KLHL13: variants seen among roughly 807,000 people sequenced by gnomAD.
KLHL13 encodes the protein kelch-like protein 13.
KLHL13 carries 10 observed loss-of-function variants against 37.1 expected under a neutral mutation model. The ratio of observed to expected loss-of-function variants is 0.27; its 90% CI spans 0.17 to 0.46. The LOEUF is 0.46. Among genes scored for constraint, KLHL13 ranks in the 20% least tolerant of loss-of-function variants. The pLI is 1.00. For missense variants in KLHL13, 360 were observed against 509.3 expected (o/e 0.71, Z 2.82); for synonymous variants, 163 against 181.2 (o/e 0.90, Z 0.81).
At chrX:118,001,684 T>C (rs1048536234) in intron 1 of KLHL13, among the ~76,000 whole-genome samples, 7 of 109,780 alleles carry the variant, frequency 6.4e-5, no homozygotes, top group Non-Finnish European at 1.3e-4. Context: ...AGCAACATGA[T>C]GAAACCGTGT....
chrX:118,102,029 C>T (rs140922507), intron 1 of KLHL13, among the ~76,000 whole-genome samples: 1 of 111,646 alleles, frequency 9.0e-6, no homozygotes, highest in East Asian at 2.8e-4. Context: ...GGTAAGAGAG[C>T]ATGGCTAGTT....
chrX:118,082,235 T>C (rs773105397), intron 1 of KLHL13, among the ~76,000 whole-genome samples: 20 of 111,048 alleles, frequency 1.8e-4, no homozygotes, highest in African/African-American at 6.5e-4. Context: ...ACCAACAATA[T>C]GTAAGTTCCC....
At chrX:117,921,611 A>T (rs1931706095) in intron 2 of KLHL13, among the ~76,000 whole-genome samples, 1 of 112,096 alleles carries the variant, frequency 8.9e-6, no homozygotes, top group Non-Finnish European at 1.9e-5. Flanking sequence ...AACAGCATTG[A>T]TTACTCTGTC....
intron 1 of KLHL13, among the ~76,000 whole-genome samples, chrX:118,034,163 T>C (rs2054401620): frequency 9.8e-6 from 1 of 101,545 alleles, no homozygotes; most frequent in Non-Finnish European, 1.9e-5. Flanking sequence ...CACTCCACTG[T>C]CAACATTAGA....
At chrX:118,082,583 CTG>C (rs767802795) in intron 1 of KLHL13, among the ~76,000 whole-genome samples, 5 of 111,536 alleles carry the variant, frequency 4.5e-5, no homozygotes, top group African/African-American at 1.3e-4. Context: ...TGTTTCCTAG[CTG>C]TGTAGAAGCT....
chrX:117,964,795 T>C (rs1427307130), intron 1 of KLHL13, among the ~76,000 whole-genome samples: 2 of 110,971 alleles, frequency 1.8e-5, no homozygotes, highest in East Asian at 5.7e-4. Context: ...TGTCCAAGTG[T>C]TCTCATTGTT....
intron 1 of KLHL13, among the ~76,000 whole-genome samples, chrX:117,964,350 T>G (rs1397233658): frequency 8.9e-6 from 1 of 112,221 alleles, no homozygotes; most frequent in East Asian, 2.8e-4. Flanking sequence ...GAAAGTACAG[T>G]AAGCAAGAAT....
chrX:118,051,549 TAATA>T (rs1301768564), intron 1 of KLHL13, among the ~76,000 whole-genome samples: 19 of 109,382 alleles, frequency 1.7e-4, no homozygotes, highest in African/African-American at 6.4e-4. Context: ...TCAAAAAAAG[TAATA>T]AATAAATAAA....
chrX:118,058,676 G>C (rs1325571431), intron 1 of KLHL13, among the ~76,000 whole-genome samples: 1 of 111,801 alleles, frequency 8.9e-6, no homozygotes, highest in Non-Finnish European at 1.9e-5. Context: ...AAGGCAGAAA[G>C]AATTTTACTT....
intron 1 of KLHL13, among the ~76,000 whole-genome samples, chrX:118,052,235 G>A (rs1284363794): frequency 2.7e-5 from 3 of 110,691 alleles, no homozygotes; most frequent in Non-Finnish European, 3.8e-5. Context: ...GTAGAGGGCC[G>A]GGTGCGGTGG....
chrX:118,073,201 G>A (rs2054890733), intron 1 of KLHL13, among the ~76,000 whole-genome samples: 1 of 110,721 alleles, frequency 9.0e-6, no homozygotes, highest in Non-Finnish European at 1.9e-5. Flanking sequence ...ACATACCAGA[G>A]ACTGGGCAAT....
At chrX:118,046,773 T>C (rs1448268381) in intron 1 of KLHL13, among the ~76,000 whole-genome samples, 1 of 111,452 alleles carries the variant, frequency 9.0e-6, no homozygotes, top group Non-Finnish European at 1.9e-5. Flanking sequence ...GACAAATTAG[T>C]AAGGAAAACA....
At chrX:118,025,452 G>T (rs2148019363) in intron 1 of KLHL13, among the ~76,000 whole-genome samples, 1 of 111,629 alleles carries the variant, frequency 9.0e-6, no homozygotes, top group East Asian at 2.8e-4. Flanking sequence ...TGCCGTAAAT[G>T]CTACCCACCC....
chrX:117,964,376 G>T (rs957968650), intron 1 of KLHL13, among the ~76,000 whole-genome samples: 9 of 111,630 alleles, frequency 8.1e-5, no homozygotes, highest in Non-Finnish European at 1.7e-4. Flanking sequence ...TAACCTGTTT[G>T]TCTTGGTTCC....
chrX:117,966,697 G>A (rs1191045902), intron 1 of KLHL13, among the ~76,000 whole-genome samples: 1 of 111,024 alleles, frequency 9.0e-6, no homozygotes, highest in Non-Finnish European at 1.9e-5. Context: ...GCATGGTACT[G>A]GTACCAAAAC....
intron 1 of KLHL13, among the ~76,000 whole-genome samples, chrX:117,965,846 A>C (rs2053416364): frequency 8.9e-6 from 1 of 111,892 alleles, no homozygotes; most frequent in African/African-American, 3.2e-5. Context: ...CTTTGACAAA[A>C]TTCAACAACC....
chrX:118,045,761 T>G (rs775176878), intron 1 of KLHL13, among the ~76,000 whole-genome samples: 2 of 111,182 alleles, frequency 1.8e-5, no homozygotes, highest in African/African-American at 6.5e-5. Context: ...GAGCTGAGAT[T>G]GAGCCACTGC....
Position 117,951,290 on chromosome X carries a change from G to A in KLHL13, c.99-5715C>T, listed in dbSNP as rs1241835833. Among the ~76,000 whole-genome samples the A allele has an allele frequency of 2.7e-5, 3 of 111,658 alleles. 1 individual carries two copies. Among genetic ancestry groups the A allele is most frequent in the Non-Finnish European group, 3.8e-5 (2 of 53,086 alleles). On this transcript the variant is annotated intron_variant, in intron 1 of 6. Transcript: ENST00000262820. ...AAACTTAAAATTTCAAATATTGAAAGATTTGTCCCCCAACTAAAATGTCAT... is the reference window on the plus strand; with the variant it reads ...AAACTTAAAATTTCAAATATTGAAAAATTTGTCCCCCAACTAAAATGTCAT...
At chrX:117,945,286 C>A (rs1933263993) in intron 2 of KLHL13, 148 bp downstream of exon 3, 2 of 522,831 alleles carry the variant, frequency 3.8e-6, no homozygotes, top group Admixed American at 4.3e-5. Context: ...GGGTTCACAG[C>A]AAAACTGAGC....
Sources: gnomAD v4.1 joint callset for allele counts (sites outside exome capture counted in the v4.1 genomes callset) on GRCh38, gnomAD v4.1.1 for gene constraint, MANE v1.5 for transcripts, NCBI Gene and HGNC (gene_info 2026-07-23, HGNC 2026-07-21) for gene names.